Variants in LONP1 observed in about 807,000 individuals in gnomAD.
LONP1 encodes lon protease homolog, mitochondrial.
A neutral mutation model predicts 98.5 loss-of-function variants in LONP1; 31 were observed. That is an observed-to-expected ratio of 0.31 (90% CI 0.24 to 0.42). The LOEUF (loss-of-function observed/expected upper bound fraction) is 0.42, where lower values mean the gene tolerates loss of function less well. LONP1 is among the 20% of genes least tolerant of loss of function. The probability of loss-of-function intolerance (pLI) is 1.00; values close to 1 mark genes in which losing one functional copy is unlikely to be tolerated. For missense variants in LONP1, 1,336 were observed against 1,350.6 expected, an observed-to-expected ratio of 0.99 and a Z score of 0.17; for synonymous variants, 781 against 594.7, an observed-to-expected ratio of 1.31 and a Z score of -4.56.
At chr19:5,705,730 G>A (rs987054417) in intron 8 of LONP1, 42 bp downstream of exon 8, 5 of 1,580,480 alleles carry the variant, frequency 3.2e-6, no homozygotes, top group African/African-American at 1.3e-5. Context: ...GGGCTGAGGA[G>A]GGGTCACCTG....
Position 5,694,748 on chromosome 19 carries a change from G to C in LONP1, c.2154+13C>G. On this transcript the variant is annotated intron_variant, in intron 14 of 17. Transcript: ENST00000360614. ...TGGGCGGCAGGTGCCAGGAGGGCGG[G>C]CTGGCCGCTCACCTTCTCCACTTGC... 6.3e-7 allele frequency: 1 copy of C among 1,583,844 alleles called. No individual in the cohort carries two copies. The highest frequency in any genetic ancestry group is 2.3e-5 in the East Asian group (1 of 44,032).
In LONP1 at chr19:5,706,094, G is replaced by A. The variant is rs1047679312; in HGVS notation, c.1147-102C>T. 4 of 764,978 alleles carry A rather than the reference G, an allele frequency of 5.2e-6. No individual in the cohort carries two copies. The African/African-American group carries it at 6.9e-5, about 13-fold the overall frequency. The allele number at this position is 764,978 out of a possible 1,614,324, so 47.4% of individuals were successfully genotyped here. A position where few individuals can be genotyped will look rare whatever the true frequency, so the allele number is the denominator to read the frequency against. On this transcript the variant is annotated intron_variant, in intron 7 of 17. Coordinates refer to ENST00000360614, the MANE Select transcript of LONP1 (RefSeq NM_004793.4). ...ACCCTCTGCTCCCCCAGGACTCAGA[G>A]AGAAAAGAAACGAAACCCAGAGCAC...
intron 1 of LONP1, among the ~76,000 whole-genome samples, chr19:5,717,058 T>G (rs1056714999): frequency 6.6e-6 from 1 of 152,344 alleles, no homozygotes; most frequent in East Asian, 1.9e-4. Context: ...CCTCCCAAAG[T>G]GCTGGGATTG....
intron 8 of LONP1, among the ~76,000 whole-genome samples, chr19:5,704,800 G>T (rs748762340): frequency 6.6e-6 from 1 of 152,222 alleles, no homozygotes; most frequent in African/African-American, 2.4e-5. Context: ...GCTGACTCTC[G>T]AAGGGGCAAC....
intron 5 of LONP1, 63 bp from the exon 6 acceptor site, chr19:5,707,889 CA>C: frequency 1.8e-5 from 28 of 1,585,248 alleles, no homozygotes; most frequent in Non-Finnish European, 2.4e-5. Flanking sequence ...GTGCAGCCCC[CA>C]AACGGGGACC....
At chr19:5,719,521 GGA>G (rs1272371318) in intron 1 of LONP1, among the ~76,000 whole-genome samples, 181 bp downstream of exon 1, 2 of 152,202 alleles carry the variant, frequency 1.3e-5, no homozygotes, top group Admixed American at 6.5e-5. Context: ...AATCCGAAAG[GGA>G]GAGGACTTTG....
Position 5,691,850 on chromosome 19 carries a change from A to T in LONP1, c.*182T>A, listed in dbSNP as rs1410349435. On this transcript the variant is annotated 3_prime_UTR_variant, in exon 18 of 18. Transcript: ENST00000360614. ...AAGCCGCCGTACTGCAAATGACTTT[A>T]ATCATTAAATAGCTTCTATGCCACA... 7.4e-6 allele frequency: 6 copies of T among 811,982 alleles called. No homozygotes were observed. The highest frequency in any genetic ancestry group is 1.1e-5 in the Non-Finnish European group (6 of 522,874). 50.3% of individuals were successfully genotyped at this position (811,982 alleles called of 1,614,324 possible). A position where few individuals can be genotyped will look rare whatever the true frequency, so the allele number is the denominator to read the frequency against.
chr19:5,715,055 A>C (rs1019200174), intron 1 of LONP1: 31 of 151,214 alleles, frequency 2.1e-4, no homozygotes, highest in African/African-American at 7.3e-4. Flanking sequence ...ACAAAAAAAA[A>C]AAAAAAAAAA....
intron 9 of LONP1, 28 bp from the exon 10 acceptor site, chr19:5,699,233 A>G: frequency 6.8e-7 from 1 of 1,469,918 alleles, no homozygotes; most frequent in Non-Finnish European, 9.0e-7. Context: ...TTCAGTGGGC[A>G]CGTGAGCTGG....
At chr19:5,708,443 C>G in intron 4 of LONP1, 40 bp from the exon 5 acceptor site, 1 of 1,440,194 alleles carries the variant, frequency 6.9e-7, no homozygotes, top group Non-Finnish European at 9.7e-7. Context: ...CCCAGCAGTG[C>G]TCCAGCAGGG....
At chr19:5,712,304 T>C (rs1334379633) in intron 3 of LONP1, among the ~76,000 whole-genome samples, 2 of 152,186 alleles carry the variant, frequency 1.3e-5, no homozygotes, top group Non-Finnish European at 2.9e-5. Flanking sequence ...CCCCAGGGCC[T>C]CCTGTCGAAA....
chr19:5,717,989 T>C (rs2098133951), intron 1 of LONP1, among the ~76,000 whole-genome samples: 1 of 149,640 alleles, frequency 6.7e-6, no homozygotes, highest in African/African-American at 2.5e-5. Context: ...GGATTAAACA[T>C]GTGAGACACC....
chr19:5,692,693 G>A (rs1470366917), intron 17 of LONP1, among the ~76,000 whole-genome samples: 2 of 152,174 alleles, frequency 1.3e-5, no homozygotes, highest in African/African-American at 2.4e-5. Flanking sequence ...CACTGTCACC[G>A]CACACTGACT....
intron 4 of LONP1, among the ~76,000 whole-genome samples, chr19:5,710,636 C>T (rs188610522): frequency 1.3e-5 from 2 of 152,190 alleles, no homozygotes; most frequent in Non-Finnish European, 2.9e-5. Context: ...CCTTGGCCTC[C>T]AAAAGTGTTG....
chr19:5,696,011 CT>C (rs1568312456), intron 13 of LONP1, 42 bp downstream of exon 13: 1 of 1,570,604 alleles, frequency 6.4e-7, no homozygotes, highest in African/African-American at 1.3e-5. Flanking sequence ...GGGGCGCCCC[CT>C]GCTCTGGGAA....
At chr19:5,718,671 C>T (rs1385585565) in intron 1 of LONP1, among the ~76,000 whole-genome samples, 1 of 151,912 alleles carries the variant, frequency 6.6e-6, no homozygotes, top group East Asian at 1.9e-4. Flanking sequence ...AGATAACCTT[C>T]CCATAGATGC....
chr19:5,701,317 C>T (rs927142659), intron 8 of LONP1, among the ~76,000 whole-genome samples: 4 of 151,976 alleles, frequency 2.6e-5, no homozygotes, highest in Admixed American at 1.3e-4. Flanking sequence ...CTGCCTCTGC[C>T]CTCTGCCTCT....
In LONP1 at chr19:5,696,143, T is replaced by A; in HGVS notation, c.1924A>T (p.Thr642Ser). The change falls in exon 13 of 18, where the codon ACG becomes TCG. Residue 642 changes from threonine (T) to serine (S), a missense_variant. Thr to Ser is a moderately conservative substitution (Grantham distance 58). Transcript: ENST00000360614. ...KVLFICTANV[T>S]DTIPEPLRDR... is the part of the protein sequence containing the mutation. ...CGCAGCGGCTCGGGGATGGTGTCCG[T>A]GACGTTGGCCGTGCAGATGAACAGC... 1.2e-6 allele frequency: 2 copies of A among 1,612,894 alleles called. No individual in the cohort carries two copies. The highest frequency in any genetic ancestry group is 1.7e-6 in the Non-Finnish European group (2 of 1,179,862).
intron 7 of LONP1, among the ~76,000 whole-genome samples, chr19:5,706,583 G>A (rs1043935264): frequency 5.3e-5 from 8 of 152,096 alleles, no homozygotes; most frequent in African/African-American, 1.9e-4. Flanking sequence ...CTCCAGCCTA[G>A]GTGGCCGACT....
Sources: gnomAD v4.1 joint callset for allele counts (sites outside exome capture counted in the v4.1 genomes callset) on GRCh38, gnomAD v4.1.1 for gene constraint, MANE v1.5 for transcripts, NCBI Gene and HGNC (gene_info 2026-07-23, HGNC 2026-07-21) for gene names.